Variants in WWTR1 observed in about 807,000 individuals in gnomAD.
WWTR1 encodes WW domain containing transcription regulator 1, also known as WW domain-containing transcription regulator protein 1.
Under a neutral mutation model 40.1 loss-of-function variants are expected in WWTR1, and 13 were observed. That is an observed-to-expected ratio of 0.32 (90% CI 0.21 to 0.52). The LOEUF (loss-of-function observed/expected upper bound fraction) is 0.52. Among genes scored for constraint, WWTR1 ranks in the 20% least tolerant of loss-of-function variants. The probability of loss-of-function intolerance (pLI) is 0.97; values close to 1 mark genes in which losing one functional copy is unlikely to be tolerated. For synonymous variants in WWTR1, 230 were observed against 210.1 expected (o/e 1.09, Z -0.82); for missense variants, 436 against 523.1 (o/e 0.83, Z 1.63).
chr3:149,628,548 C>G (rs553111024), intron 2 of WWTR1, among the ~76,000 whole-genome samples: 39 of 152,274 alleles, frequency 2.6e-4, no homozygotes, highest in African/African-American at 9.1e-4. Context: ...CTTGCCCCAG[C>G]AGTATCTTTT....
intron 2 of WWTR1, among the ~76,000 whole-genome samples, chr3:149,611,976 T>C (rs1027061312): frequency 4.6e-5 from 7 of 152,210 alleles, no homozygotes; most frequent in African/African-American, 1.7e-4. Context: ...CAGACATTAC[T>C]ATTCCTACTT....
upstream of WWTR1, among the ~76,000 whole-genome samples, chr3:149,704,680 C>T (rs1200317172): frequency 6.6e-6 from 1 of 152,020 alleles, no homozygotes. Flanking sequence ...AGGACATCCC[C>T]CTCCCATAGA....
chr3:149,600,731 C>G (rs903443832), intron 2 of WWTR1, among the ~76,000 whole-genome samples: 1 of 152,176 alleles, frequency 6.6e-6, no homozygotes, highest in Non-Finnish European at 1.5e-5. Context: ...ACATTATCAA[C>G]TGCTTGACCA....
intron 1 of WWTR1, among the ~76,000 whole-genome samples, chr3:149,680,896 G>T (rs538430091): frequency 2.0e-5 from 3 of 152,168 alleles, no homozygotes; most frequent in Non-Finnish European, 4.4e-5. Context: ...ATGTAATATT[G>T]GTGGCTGTAT....
intron 2 of WWTR1, among the ~76,000 whole-genome samples, chr3:149,622,505 G>GAAAGA (rs1553800293): frequency 2.2e-5 from 3 of 137,410 alleles, no homozygotes; most frequent in African/African-American, 5.6e-5. Flanking sequence ...AAGGAAGGAA[G>GAAAGA]AAAGAAAGAA....
At chr3:149,618,314 A>T (rs1345672703) in intron 2 of WWTR1, among the ~76,000 whole-genome samples, 1 of 152,208 alleles carries the variant, frequency 6.6e-6, no homozygotes, top group Non-Finnish European at 1.5e-5. Flanking sequence ...ACATCCGGGC[A>T]TGCTGGTGGG....
At chr3:149,653,775 A>C (rs1379399122) in intron 2 of WWTR1, among the ~76,000 whole-genome samples, 2 of 152,216 alleles carry the variant, frequency 1.3e-5, no homozygotes, top group East Asian at 3.8e-4. Flanking sequence ...CTGTTGCCTA[A>C]GTAGACAGCA....
At chr3:149,686,371 C>A (rs1052724383) in intron 1 of WWTR1, among the ~76,000 whole-genome samples, 1 of 152,022 alleles carries the variant, frequency 6.6e-6, no homozygotes, top group African/African-American at 2.4e-5. Flanking sequence ...GTGAAGAAAC[C>A]AGCTAGGGAT....
upstream of WWTR1, among the ~76,000 whole-genome samples, chr3:149,707,747 AACTG>A (rs916872646): frequency 5.9e-5 from 9 of 152,052 alleles, no homozygotes; most frequent in Admixed American, 3.9e-4. Context: ...TCAGGAGGCA[AACTG>A]ACTGCCAATT....
chr3:149,666,694 A>T (rs1336174703), intron 2 of WWTR1, among the ~76,000 whole-genome samples: 4 of 152,230 alleles, frequency 2.6e-5, no homozygotes, highest in Non-Finnish European at 5.9e-5. Context: ...TTTTACAGAT[A>T]AGAAAACCAA....
intron 2 of WWTR1, among the ~76,000 whole-genome samples, chr3:149,601,644 T>G (rs1244512199): frequency 6.6e-6 from 1 of 152,004 alleles, no homozygotes; most frequent in South Asian, 2.1e-4. Context: ...TAATACATCC[T>G]CCAATTCTTC....
At chr3:149,638,085 G>C (rs763252399) in intron 2 of WWTR1, among the ~76,000 whole-genome samples, 35 of 152,036 alleles carry the variant, frequency 2.3e-4, no homozygotes, top group Admixed American at 7.9e-4. Context: ...GCGTGGTGCT[G>C]TATGCCTGTA....
In WWTR1 at chr3:149,648,107, G is replaced by A. The variant is rs1338687410; in HGVS notation, c.431+8769C>T. 5.9e-5 allele frequency among the ~76,000 whole-genome samples: 9 copies of A among 152,096 alleles called. No individual in the cohort carries two copies. In the East Asian group the frequency reaches 1.7e-3, roughly 29 times the overall value. ...GCCACTTTTTGAAGGTTCCATTTATGTCTAAGCACCTTTATGAGACTTCTC... is the reference window on the plus strand; with the variant it reads ...GCCACTTTTTGAAGGTTCCATTTATATCTAAGCACCTTTATGAGACTTCTC... On this transcript the variant is annotated intron_variant, in intron 2 of 6. Coordinates refer to ENST00000360632, the MANE Select transcript of WWTR1 (RefSeq NM_015472.6).
chr3:149,651,987 G>A (rs910726005), intron 2 of WWTR1, among the ~76,000 whole-genome samples: 13 of 118,996 alleles, frequency 1.1e-4, no homozygotes, highest in African/African-American at 2.5e-4. Flanking sequence ...TGCCACGCCC[G>A]GCTAATTTTT....
At chr3:149,535,057 G>A (rs1461441556) in intron 4 of WWTR1, among the ~76,000 whole-genome samples, 3 of 152,074 alleles carry the variant, frequency 2.0e-5, no homozygotes, top group Non-Finnish European at 2.9e-5. Flanking sequence ...TTGGCTGAGG[G>A]AACACTCTGC....
intron 3 of WWTR1, among the ~76,000 whole-genome samples, chr3:149,567,239 A>G (rs1163347497): frequency 6.6e-6 from 1 of 152,120 alleles, no homozygotes; most frequent in East Asian, 1.9e-4. Flanking sequence ...CTTTTGGTAA[A>G]AACATTTTAA....
At chr3:149,656,779 T>TCACA in intron 2 of WWTR1, 97 bp downstream of exon 2, 2 of 1,046,180 alleles carry the variant, frequency 1.9e-6, no homozygotes, top group Middle Eastern at 3.4e-4. Flanking sequence ...TCTCTCTCTC[T>TCACA]CTCTCTCTCT....
At position 149,657,087 on chromosome 3, in the gene WWTR1, G is replaced by A; in HGVS notation, c.220C>T (p.Pro74Ser). ...GCACCCCCAGCCAGTCGAGGCCCCGGGTGGCCGCCCGACGAGTCGGTGCTG... is the reference window on the plus strand; with the variant it reads ...GCACCCCCAGCCAGTCGAGGCCCCGAGTGGCCGCCCGACGAGTCGGTGCTG... Reference protein sequence around the residue: ...QSSTDSSGGHPGPRLAGGAQH... With the variant: ...QSSTDSSGGHSGPRLAGGAQH... The change falls in exon 2 of 7, where the codon CCG becomes TCG. Residue 74 changes from proline to serine, a missense_variant. Pro to Ser is a moderately conservative substitution (Grantham distance 74, BLOSUM62 -1). Transcript: ENST00000360632. The A allele has an allele frequency of 6.4e-7, 1 of 1,570,948 alleles. No homozygotes were observed. Among genetic ancestry groups the A allele is most frequent in the African/African-American group, 1.3e-5 (1 of 74,540 alleles).
chr3:149,580,901 C>T (rs898892170), intron 2 of WWTR1, among the ~76,000 whole-genome samples: 10 of 152,186 alleles, frequency 6.6e-5, no homozygotes, highest in South Asian at 2.1e-4. Flanking sequence ...CGTGAGCCAC[C>T]GCGCCTGGCG....
Sources: allele counts gnomAD v4.1 joint callset (sites outside exome capture counted in the v4.1 genomes callset), GRCh38; gene constraint gnomAD v4.1.1; transcripts MANE v1.5; gene names NCBI Gene and HGNC (gene_info 2026-07-23, HGNC 2026-07-21).